AHNAK: variants seen among roughly 807,000 people sequenced by gnomAD.
The protein encoded by AHNAK is AHNAK nucleoprotein, also known as neuroblast differentiation-associated protein AHNAK.
A neutral mutation model predicts 37.8 loss-of-function variants in AHNAK; 23 were observed. The ratio of observed to expected loss-of-function variants is 0.61; its 90% CI spans 0.44 to 0.86. The LOEUF is 0.86. Ranked by LOEUF, AHNAK falls within the 40% of genes least tolerant of loss-of-function variation. AHNAK has a pLI of 0.00. For synonymous variants in AHNAK, 2,481 were observed against 2,636.3 expected, an observed-to-expected ratio of 0.94 and a Z score of 1.80; for missense variants, 7,411 against 7,319.4, an observed-to-expected ratio of 1.01 and a Z score of -0.46.
intron 5 of AHNAK, among the ~76,000 whole-genome samples, chr11:62,468,358 G>A (rs59366693): frequency 2.6e-4 from 38 of 148,402 alleles, no homozygotes; most frequent in East Asian, 6.1e-4. Flanking sequence ...CCAAAAAAAA[G>A]AAAAAAAAAA....
chr11:62,467,590 C>T (rs547327989), intron 5 of AHNAK, among the ~76,000 whole-genome samples: 2 of 152,332 alleles, frequency 1.3e-5, no homozygotes, highest in East Asian at 3.9e-4. Context: ...GAGACTGAGG[C>T]AGGAGAATTG....
At position 62,523,689 on chromosome 11, in the gene AHNAK, C is replaced by T. The variant is rs113069251; in HGVS notation, c.10728G>A (p.Glu3576=). The part of the protein sequence containing the change: ...PKLEGDLKGP[E]VDIKGPKVDI... ...CCACTTTAGGGCCTTTGATATCAAC[C>T]TCTGGCCCTTTCAGATCCCCTTCAA... Residue 3576 remains glutamate (E), a synonymous_variant, in exon 5 of 5, where the codon GAG becomes GAA. Coordinates refer to ENST00000378024, the MANE Select transcript of AHNAK (RefSeq NM_001620.3). 1.9e-6 allele frequency: 3 copies of T among 1,613,304 alleles called. No individual in the cohort carries two copies. Among genetic ancestry groups the T allele is most frequent in the African/African-American group, 1.3e-5 (1 of 74,674 alleles).
chr11:62,518,844 G>T lies in AHNAK; in HGVS notation c.15573C>A (p.Ala5191=). Residue 5191 remains alanine (A), a synonymous_variant, in exon 5 of 5, where the codon GCC becomes GCA. Coordinates refer to ENST00000378024, the MANE Select transcript of AHNAK (RefSeq NM_001620.3). ...KVKTPSFGIS[A]PQVSIPDVNV... is the part of the protein sequence containing the mutation. ...TCACATCAGGGATGGAGACTTGAGG[G>T]GCAGAAATGCCGAAGGACGGTGTTT... 4.3e-6 allele frequency: 7 copies of T among 1,614,232 alleles called. No individual in the cohort carries two copies. Among genetic ancestry groups the T allele is most frequent in the Non-Finnish European group, 5.1e-6 (6 of 1,180,052 alleles).
downstream of AHNAK, among the ~76,000 whole-genome samples, chr11:62,511,730 A>G (rs561329376): frequency 7.2e-5 from 11 of 152,238 alleles, no homozygotes; most frequent in South Asian, 2.1e-3. Context: ...CAAACTTATC[A>G]AACAGAAAAA....
intron 5 of AHNAK, among the ~76,000 whole-genome samples, chr11:62,451,736 CAA>C (rs572246314): frequency 0.1 from 11,415 of 113,342 alleles, 490 homozygotes; most frequent in African/African-American, 0.14. Context: ...GACTCCGTCT[CAA>C]AAAAAAAAAA....
In AHNAK at chr11:62,521,791, T is replaced by A. The variant is rs1239223682; in HGVS notation, c.12626A>T (p.Asp4209Val). The A allele has an allele frequency of 3.7e-6, 6 of 1,613,608 alleles. No individual in the cohort carries two copies. The highest frequency in any genetic ancestry group is 5.1e-6 in the Non-Finnish European group (6 of 1,179,970). The part of the protein sequence containing the change: ...PGFKGEGPDV[D>V]VNLPKADLDV... ...AAGGTCAGCCTTGGGCAGGTTCACA[T>A]CCACATCTGGGCCCTCTCCTTTGAA... Residue 4209 changes from aspartate (D) to valine (V), a missense_variant, in exon 5 of 5, where the codon GAT becomes GTT. Coordinates refer to ENST00000378024, the MANE Select transcript of AHNAK (RefSeq NM_001620.3).
At chr11:62,546,280 G>A (rs1045884951) in intron 1 of AHNAK, among the ~76,000 whole-genome samples, 4 of 152,200 alleles carry the variant, frequency 2.6e-5, no homozygotes, top group African/African-American at 7.2e-5. Flanking sequence ...GTAAACATGG[G>A]ATACGAACGG....
In AHNAK at chr11:62,527,909, G is replaced by A. The variant is rs765698393; in HGVS notation, c.6508C>T (p.Pro2170Ser). ...LECPDAKLKG[P>S]KFKMPEMHFK... ...TGCATCTCAGGCATCTTAAACTTGG[G>A]CCCTTTCAACTTTGCATCAGGACAC... The change falls in exon 5 of 5, where the codon CCC (proline) becomes TCC (serine). Residue 2170 changes from proline (P) to serine (S), a missense_variant. By Grantham distance (74) the Pro-to-Ser change is moderately conservative. Coordinates refer to ENST00000378024, the MANE Select transcript of AHNAK (RefSeq NM_001620.3). 3 of 1,613,210 alleles carry A rather than the reference G, an allele frequency of 1.9e-6. No individual in the cohort carries two copies. Among genetic ancestry groups the A allele is most frequent in the South Asian group, 1.1e-5 (1 of 91,030 alleles).
In AHNAK at chr11:62,519,815, C is replaced by T. The variant is rs1275466601; in HGVS notation, c.14602G>A (p.Asp4868Asn). ...CCTTCAACCTTAGGGACAGACACAT[C>T]AAAATCTCCTTTTACTTTGGGTCCT... ...LKGPKVKGDF[D>N]VSVPKVEGTL... The change falls in exon 5 of 5, where the codon GAT becomes AAT. Residue 4868 changes from aspartate (D) to asparagine (N), a missense_variant. Coordinates refer to ENST00000378024, the MANE Select transcript of AHNAK (RefSeq NM_001620.3). The T allele has an allele frequency of 3.7e-6, 6 of 1,614,056 alleles. No individual in the cohort carries two copies. The African/African-American group carries it at 6.7e-5, about 18-fold the overall frequency.
intron 5 of AHNAK, among the ~76,000 whole-genome samples, chr11:62,451,235 T>C (rs1208196960): frequency 6.6e-6 from 1 of 150,848 alleles, no homozygotes; most frequent in African/African-American, 2.4e-5. Flanking sequence ...CATAATGTGT[T>C]TAGGAACCCA....
Position 62,532,823 on chromosome 11 carries a change from G to C in AHNAK, c.1594C>G (p.Pro532Ala). ...APGVQGDVKG[P>A]QVALKGSRVD... ...CTGGAGCCTTTAAGTGCCACTTGAG[G>C]GCCTTTAACATCACCTTGCACCCCA... The change falls in exon 5 of 5, where the codon CCT (proline) becomes GCT (alanine). Residue 532 changes from proline (P) to alanine (A), a missense_variant. Pro to Ala is a conservative substitution (Grantham distance 27). Transcript: ENST00000378024. The C allele has an allele frequency of 6.2e-7, 1 of 1,613,984 alleles. No individual in the cohort carries two copies. The highest frequency in any genetic ancestry group is 2.2e-5 in the East Asian group (1 of 44,886).
chr11:62,477,279 A>C (rs1042134591), intron 5 of AHNAK, among the ~76,000 whole-genome samples: 7 of 152,218 alleles, frequency 4.6e-5, no homozygotes, highest in Non-Finnish European at 5.9e-5. Context: ...ATTTTGGTTA[A>C]TAAAGATGTG....
chr11:62,543,859 A>G (rs1235442878), intron 1 of AHNAK, among the ~76,000 whole-genome samples: 1 of 152,206 alleles, frequency 6.6e-6, no homozygotes, highest in Non-Finnish European at 1.5e-5. Context: ...CTAAGCGTGC[A>G]CAGCACGGTG....
rs1940007397 is a variant in AHNAK, at chr11:62,516,032, T to C, written c.*712A>G. On this transcript the variant is annotated 3_prime_UTR_variant, in exon 5 of 5. Coordinates refer to ENST00000378024, the MANE Select transcript of AHNAK (RefSeq NM_001620.3). ...TTTGTTAAAAAGAAATCAGAACTAATATCAGGAACATGGCGGCATGAAGGA... is the reference window on the plus strand; with the variant it reads ...TTTGTTAAAAAGAAATCAGAACTAACATCAGGAACATGGCGGCATGAAGGA... 9 of 1,182,090 alleles carry C rather than the reference T, an allele frequency of 7.6e-6. No individual in the cohort carries two copies. The South Asian group carries it at 1.1e-4, about 15-fold the overall frequency. 73.2% of individuals were successfully genotyped at this position (1,182,090 alleles called of 1,614,324 possible).
Position 62,532,648 on chromosome 11 carries a change from G to T in AHNAK, c.1769C>A (p.Thr590Lys). The change falls in exon 5 of 5, where the codon ACA (threonine) becomes AAA (lysine). Residue 590 changes from threonine to lysine, a missense_variant. Thr to Lys is a moderately conservative substitution (Grantham distance 78). Coordinates refer to ENST00000378024, the MANE Select transcript of AHNAK (RefSeq NM_001620.3). Reference sequence around the variant, plus strand: ...GACTTTCCCTTCTACTCTGGGGAGTGTGACATCTACACCCCCTTTCACTTT... The same window carrying T: ...GACTTTCCCTTCTACTCTGGGGAGTTTGACATCTACACCCCCTTTCACTTT... ...APKVKGGVDV[T>K]LPRVEGKVKV... 6.2e-7 allele frequency: 1 copy of T among 1,611,536 alleles called. No homozygotes were observed. The highest frequency in any genetic ancestry group is 8.5e-7 in the Non-Finnish European group (1 of 1,179,036).
chr11:62,535,831 G>C, intron 3 of AHNAK, 114 bp downstream of exon 3: 1 of 1,375,440 alleles, frequency 7.3e-7, no homozygotes, highest in East Asian at 2.6e-5. Flanking sequence ...ATGCCACTGG[G>C]AATGGGCCCT....
chr11:62,505,541 A>G (rs1352023404), intron 4 of AHNAK, among the ~76,000 whole-genome samples: 1 of 152,010 alleles, frequency 6.6e-6, no homozygotes, highest in East Asian at 1.9e-4. Context: ...GAGTGCCAGG[A>G]GGGATTTATG....
chr11:62,472,034 C>T (rs1939046080), intron 5 of AHNAK, among the ~76,000 whole-genome samples: 1 of 152,026 alleles, frequency 6.6e-6, no homozygotes. Flanking sequence ...CTGCCCATGA[C>T]CCGGGTCCTC....
At chr11:62,444,540 C>T (rs1393506274) in intron 5 of AHNAK, among the ~76,000 whole-genome samples, 3 of 152,262 alleles carry the variant, frequency 2.0e-5, no homozygotes, top group African/African-American at 4.8e-5. Context: ...GGCAGCTGCT[C>T]GCCCTCCAGG....
Sources: allele counts gnomAD v4.1 joint callset (sites outside exome capture counted in the v4.1 genomes callset), GRCh38; gene constraint gnomAD v4.1.1; transcripts MANE v1.5; gene names NCBI Gene and HGNC (gene_info 2026-07-23, HGNC 2026-07-21).